Variants in SSBP2 observed in about 807,000 individuals in gnomAD.
The protein encoded by SSBP2 is single stranded DNA binding protein 2, also known as single-stranded DNA-binding protein 2.
Under a neutral mutation model 61.8 loss-of-function variants are expected in SSBP2, and 17 were observed. The ratio of observed to expected loss-of-function variants is 0.28; its 90% CI spans 0.19 to 0.41. The LOEUF is 0.41. SSBP2 is among the 10% of genes least tolerant of loss of function. The pLI is 1.00. For synonymous variants in SSBP2, 139 were observed against 141.3 expected, an observed-to-expected ratio of 0.98 and a Z score of 0.12; for missense variants, 310 against 458.7, an observed-to-expected ratio of 0.68 and a Z score of 2.96.
intron 1 of SSBP2, among the ~76,000 whole-genome samples, chr5:81,744,751 C>CA (rs749210002): frequency 9.2e-5 from 14 of 152,178 alleles, no homozygotes; most frequent in Admixed American, 2.0e-4. Flanking sequence ...CGTTTACACT[C>CA]ACTCTAGCTG....
intron 4 of SSBP2, among the ~76,000 whole-genome samples, chr5:81,564,653 T>A (rs1773292974): frequency 6.6e-6 from 1 of 152,304 alleles, no homozygotes; most frequent in East Asian, 1.9e-4. Flanking sequence ...CAGTGACTGA[T>A]GTTTTAGCTA....
intron 1 of SSBP2, among the ~76,000 whole-genome samples, chr5:81,653,831 T>C (rs1037053027): frequency 1.2e-4 from 19 of 152,106 alleles, no homozygotes; most frequent in Non-Finnish European, 2.2e-4. Flanking sequence ...GTAGATTCTA[T>C]ATATTAGCCC....
chr5:81,454,215 C>T (rs1040814603), intron 10 of SSBP2, among the ~76,000 whole-genome samples: 2 of 152,086 alleles, frequency 1.3e-5, no homozygotes, highest in Non-Finnish European at 2.9e-5. Context: ...TACTGGTAAC[C>T]CCTCCCAACT....
chr5:81,708,983 T>G (rs368586063), intron 1 of SSBP2, among the ~76,000 whole-genome samples: 1 of 152,000 alleles, frequency 6.6e-6, no homozygotes, highest in African/African-American at 2.4e-5. Context: ...TGATCTATGT[T>G]GAATATAGGC....
chr5:81,747,602 G>A (rs746513364), intron 1 of SSBP2, among the ~76,000 whole-genome samples: 2 of 151,808 alleles, frequency 1.3e-5, no homozygotes, highest in Non-Finnish European at 2.9e-5. Context: ...CCTTATTTTG[G>A]AGGTCACTGA....
At chr5:81,433,846 G>C (rs1178279577) in intron 15 of SSBP2, among the ~76,000 whole-genome samples, 1 of 152,166 alleles carries the variant, frequency 6.6e-6, no homozygotes, top group African/African-American at 2.4e-5. Flanking sequence ...AACTTCATTG[G>C]AAGCTTTGAA....
intron 4 of SSBP2, among the ~76,000 whole-genome samples, chr5:81,575,065 C>A (rs1774103236): frequency 6.6e-6 from 1 of 152,098 alleles, no homozygotes; most frequent in Non-Finnish European, 1.5e-5. Context: ...GTCGAGAGAT[C>A]AAGACCATCC....
intron 1 of SSBP2, among the ~76,000 whole-genome samples, chr5:81,681,708 G>A (rs1394868837): frequency 6.6e-6 from 1 of 152,010 alleles, no homozygotes; most frequent in African/African-American, 2.4e-5. Flanking sequence ...AAATAAGCCA[G>A]AGGAAAAAAT....
intron 3 of SSBP2, among the ~76,000 whole-genome samples, chr5:81,635,463 A>G (rs1428868643): frequency 1.3e-5 from 2 of 152,218 alleles, no homozygotes; most frequent in East Asian, 3.9e-4. Context: ...TCCCATTCCC[A>G]ATCTCCCCAA....
intron 5 of SSBP2, among the ~76,000 whole-genome samples, chr5:81,508,024 T>G (rs925852778): frequency 1.3e-5 from 2 of 152,176 alleles, no homozygotes; most frequent in Non-Finnish European, 2.9e-5. Context: ...TCCTTTTGTA[T>G]GAATGCCACA....
rs1490912109 is a variant in SSBP2 at position 81,712,461 on chromosome 5, C to T, written c.62+38520G>A. Among the ~76,000 whole-genome samples, 12 of 13,544 alleles carry T rather than the reference C, an allele frequency of 8.9e-4. 6 individuals are homozygous for T. Among genetic ancestry groups the T allele is most frequent in the Admixed American group, 5.4e-3 (4 of 744 alleles). The allele number at this position is 13,544 out of a possible 152,430, so 8.9% of individuals were successfully genotyped here. A position where few individuals can be genotyped will look rare whatever the true frequency, so the allele number is the denominator to read the frequency against. On this transcript the variant is annotated intron_variant, in intron 1 of 16. Coordinates refer to ENST00000320672, the MANE Select transcript of SSBP2 (RefSeq NM_012446.5). ...CTAAAAATACAAAAAATTAGCCGGG[C>T]GCGGTGGCGGGCGCCTGTAGTCCCA... is the stretch of plus-strand genomic sequence containing the variant.
intron 4 of SSBP2, among the ~76,000 whole-genome samples, chr5:81,565,889 C>T (rs1326274042): frequency 6.6e-6 from 1 of 152,120 alleles, no homozygotes; most frequent in East Asian, 1.9e-4. Flanking sequence ...ATATTTCCTC[C>T]TTAATCTGGC....
chr5:81,733,561 T>C (rs968487430), intron 1 of SSBP2, among the ~76,000 whole-genome samples: 1 of 152,240 alleles, frequency 6.6e-6, no homozygotes, highest in Non-Finnish European at 1.5e-5. Context: ...CTATCCAGAT[T>C]GGATTACTTA....
chr5:81,421,731 C>T lies in SSBP2; in HGVS notation c.1057-1198G>A, dbSNP rs191623354. On this transcript the variant is annotated intron_variant, in intron 16 of 16. Coordinates refer to ENST00000320672, the MANE Select transcript of SSBP2 (RefSeq NM_012446.5). ...GTGACAGAAAAGTTCTACAGCAGCA[C>T]CATGCAAGAGAACTTTCTTCAAAGA... Among the ~76,000 whole-genome samples the T allele has an allele frequency of 1.0e-3, 155 of 152,310 alleles. 2 individuals carry two copies. Among genetic ancestry groups the T allele is most frequent in the Non-Finnish European group, 1.0e-3 (70 of 68,022 alleles).
chr5:81,699,559 C>T (rs1412982798), intron 1 of SSBP2, among the ~76,000 whole-genome samples: 2 of 152,180 alleles, frequency 1.3e-5, no homozygotes, highest in Non-Finnish European at 2.9e-5. Flanking sequence ...GAGATTGCAG[C>T]AATTCAGTCA....
chr5:81,724,104 C>T (rs12522859), intron 1 of SSBP2, among the ~76,000 whole-genome samples: 2,911 of 152,088 alleles, frequency 0.019, 71 homozygotes, highest in East Asian at 0.1. Flanking sequence ...TGAAAGCACA[C>T]ATTTATTTTT....
At chr5:81,423,822 T>C (rs1444900280) in intron 16 of SSBP2, among the ~76,000 whole-genome samples, 2 of 152,186 alleles carry the variant, frequency 1.3e-5, no homozygotes, top group African/African-American at 4.8e-5. Context: ...AGAATAGCCT[T>C]CATTATACTA....
intron 4 of SSBP2, among the ~76,000 whole-genome samples, chr5:81,567,121 G>A (rs758167327): frequency 2.0e-5 from 3 of 152,190 alleles, no homozygotes; most frequent in South Asian, 2.1e-4. Context: ...AAGTAACAAG[G>A]AGCCAAATGT....
intron 7 of SSBP2, 21 bp downstream of exon 7, chr5:81,474,475 C>T (rs1176363060): frequency 2.5e-6 from 4 of 1,609,100 alleles, no homozygotes; most frequent in Admixed American, 1.7e-5. Context: ...ATCAATTTTC[C>T]TTTTACTTTA....
Sources: allele counts gnomAD v4.1 joint callset (sites outside exome capture counted in the v4.1 genomes callset), GRCh38; gene constraint gnomAD v4.1.1; transcripts MANE v1.5; gene names NCBI Gene and HGNC (gene_info 2026-07-23, HGNC 2026-07-21).